Variants in LSAMP observed in about 807,000 individuals in gnomAD.
The protein encoded by LSAMP is limbic system associated membrane protein, also known as limbic system-associated membrane protein.
A neutral mutation model predicts 38.6 loss-of-function variants in LSAMP; 7 were observed. The observed-to-expected ratio is 0.18, with a 90% confidence interval of 0.10 to 0.34. LSAMP has a LOEUF of 0.34. Ranked by LOEUF, LSAMP falls within the 10% of genes least tolerant of loss-of-function variation. LSAMP has a pLI of 1.00. For missense variants in LSAMP, 313 were observed against 420.0 expected (o/e 0.75, Z 2.23); for synonymous variants, 154 against 166.8 (o/e 0.92, Z 0.59).
At chr3:116,322,310 A>G (rs951267868) in intron 1 of LSAMP, among the ~76,000 whole-genome samples, 2 of 152,170 alleles carry the variant, frequency 1.3e-5, no homozygotes, top group Non-Finnish European at 2.9e-5. Context: ...ATTTTGTTAT[A>G]TTATTGAAGT....
intron 1 of LSAMP, among the ~76,000 whole-genome samples, chr3:116,311,593 T>C (rs1277837092): frequency 1.3e-5 from 2 of 152,200 alleles, no homozygotes; most frequent in African/African-American, 4.8e-5. Flanking sequence ...CAAGGTGACC[T>C]GTAGAAAGGT....
intron 6 of LSAMP, among the ~76,000 whole-genome samples, chr3:115,824,488 G>T (rs934502955): frequency 6.6e-6 from 1 of 152,126 alleles, no homozygotes; most frequent in Non-Finnish European, 1.5e-5. Context: ...AGATCACGAG[G>T]TCAGGAGTTT....
At position 115,843,089 on chromosome 3, in the gene LSAMP, G is replaced by GAAAC. The variant is rs372729988; in HGVS notation, c.650-515_650-512dup. ...TGGTCTGATATTGTTGCAGGATTCA[G>GAAAC]AAACAAACAAACAAACAAAACTAGG... On this transcript the variant is annotated intron_variant, in intron 4 of 6. Transcript: ENST00000490035. Among the ~76,000 whole-genome samples the GAAAC allele has an allele frequency of 2.9e-3, 438 of 152,278 alleles. 9 individuals carry two copies. Among genetic ancestry groups the GAAAC allele is most frequent in the Admixed American group, 0.025 (389 of 15,302 alleles).
chr3:115,818,147 T>C (rs1934090554), intron 6 of LSAMP, among the ~76,000 whole-genome samples: 1 of 152,214 alleles, frequency 6.6e-6, no homozygotes, highest in South Asian at 2.1e-4. Context: ...GCAGTTTTTA[T>C]GAAAGCAATG....
chr3:116,394,133 C>T (rs1025659488), intron 1 of LSAMP, among the ~76,000 whole-genome samples: 28 of 152,110 alleles, frequency 1.8e-4, no homozygotes, highest in Admixed American at 1.1e-3. Context: ...CCACATGTAT[C>T]GGGTTAGAGG....
At chr3:115,891,708 A>T (rs1936604819) in intron 3 of LSAMP, among the ~76,000 whole-genome samples, 1 of 151,962 alleles carries the variant, frequency 6.6e-6, no homozygotes, top group South Asian at 2.1e-4. Context: ...CTATTTGTTC[A>T]ATTTGGTCAG....
In LSAMP at chr3:115,808,001, CA is replaced by C. The variant is rs1255996486; in HGVS notation, c.*2315del. On this transcript the variant is annotated 3_prime_UTR_variant, in exon 7 of 7. Transcript: ENST00000490035. Reference sequence around the variant, plus strand: ...AGAAGGCTGTGATAAGCTTCTAAAACAAACAATAAAATCCCTTAGAAGAAAT... The same window carrying C: ...AGAAGGCTGTGATAAGCTTCTAAAACAACAATAAAATCCCTTAGAAGAAAT... 2.6e-5 allele frequency: 4 copies of C among 151,994 alleles called. No homozygotes were observed. The highest frequency in any genetic ancestry group is 2.6e-4 in the Admixed American group (4 of 15,258). 9.4% of individuals were successfully genotyped at this position (151,994 alleles called of 1,614,324 possible).
chr3:115,887,981 T>G (rs1367009856), intron 3 of LSAMP, among the ~76,000 whole-genome samples: 1 of 152,064 alleles, frequency 6.6e-6, no homozygotes, highest in East Asian at 1.9e-4. Context: ...CAGATCCCCA[T>G]GTCTCAATGG....
intron 1 of LSAMP, among the ~76,000 whole-genome samples, chr3:116,424,447 C>T (rs1415556195): frequency 6.6e-6 from 1 of 151,842 alleles, no homozygotes; most frequent in Non-Finnish European, 1.5e-5. Flanking sequence ...CTCCAAGGGG[C>T]AATTATTGAT....
intron 1 of LSAMP, among the ~76,000 whole-genome samples, chr3:116,280,724 C>A (rs2047116632): frequency 6.6e-6 from 1 of 152,202 alleles, no homozygotes; most frequent in South Asian, 2.1e-4. Flanking sequence ...AGGGGCTTCT[C>A]CTTCTTTCCA....
chr3:115,926,310 A>C (rs1292903618), intron 3 of LSAMP, among the ~76,000 whole-genome samples: 1 of 152,208 alleles, frequency 6.6e-6, no homozygotes, highest in East Asian at 1.9e-4. Context: ...TGCTGCCTTC[A>C]AATACCTGAA....
chr3:116,217,733 A>T (rs1284041779), intron 1 of LSAMP, among the ~76,000 whole-genome samples: 1 of 152,222 alleles, frequency 6.6e-6, no homozygotes, highest in Non-Finnish European at 1.5e-5. Flanking sequence ...AGAATTTGAA[A>T]AATTAAGTAA....
At chr3:115,998,676 G>T (rs1939898402) in intron 3 of LSAMP, among the ~76,000 whole-genome samples, 2 of 152,048 alleles carry the variant, frequency 1.3e-5, no homozygotes, top group Admixed American at 6.5e-5. Context: ...GGTGAAGTTT[G>T]AGACACACAA....
At chr3:116,433,126 C>T (rs980915157) in intron 1 of LSAMP, among the ~76,000 whole-genome samples, 2 of 152,114 alleles carry the variant, frequency 1.3e-5, no homozygotes, top group African/African-American at 2.4e-5. Context: ...TGTGTAATGA[C>T]ACAAAACAAT....
chr3:115,819,398 C>T (rs1379439647), intron 6 of LSAMP, among the ~76,000 whole-genome samples: 1 of 151,818 alleles, frequency 6.6e-6, no homozygotes, highest in African/African-American at 2.4e-5. Context: ...CCACTGCTCT[C>T]CAGCCTGGCG....
At chr3:116,428,178 G>A (rs1274808041) in intron 1 of LSAMP, among the ~76,000 whole-genome samples, 2 of 152,104 alleles carry the variant, frequency 1.3e-5, no homozygotes, top group Non-Finnish European at 2.9e-5. Flanking sequence ...ACCTGGTCTA[G>A]AATTGTCTGC....
At chr3:116,418,271 G>A (rs1224646013) in intron 1 of LSAMP, among the ~76,000 whole-genome samples, 1 of 152,064 alleles carries the variant, frequency 6.6e-6, no homozygotes, top group Non-Finnish European at 1.5e-5. Flanking sequence ...TATCTCAGTT[G>A]GCCAGCAAAA....
In LSAMP at chr3:116,380,695, T is replaced by C. The variant is rs1425301856; in HGVS notation, c.155+64182A>G. On this transcript the variant is annotated intron_variant, in intron 1 of 6. Coordinates refer to ENST00000490035, the MANE Select transcript of LSAMP (RefSeq NM_002338.5). ...TCTATAACTTAATGCATTCTGGACA[T>C]TCTTCCATATGAATAGATTACAATC... Among the ~76,000 whole-genome samples the C allele has an allele frequency of 2.0e-5, 3 of 152,084 alleles. No homozygotes were observed. In the East Asian group the frequency reaches 5.8e-4, roughly 29 times the overall value.
chr3:116,001,632 C>A (rs1939996181), intron 3 of LSAMP, among the ~76,000 whole-genome samples: 1 of 152,150 alleles, frequency 6.6e-6, no homozygotes, highest in African/African-American at 2.4e-5. Flanking sequence ...GAATCTGTTT[C>A]CTTGTCTTTT....
Sources: allele counts gnomAD v4.1 joint callset (sites outside exome capture counted in the v4.1 genomes callset), GRCh38; gene constraint gnomAD v4.1.1; transcripts MANE v1.5; gene names NCBI Gene and HGNC (gene_info 2026-07-23, HGNC 2026-07-21).